The following OTUD4 variants were observed in gnomAD, a reference collection of about 807,000 sequenced individuals.
OTUD4 encodes the protein OTU domain-containing protein 4.
OTUD4 carries 24 observed loss-of-function variants against 130.4 expected under a neutral mutation model. The observed-to-expected ratio is 0.18, with a 90% CI of 0.13 to 0.26. The LOEUF (loss-of-function observed/expected upper bound fraction) is 0.26. OTUD4 is among the 10% of genes least tolerant of loss of function. The pLI is 1.00. For missense variants in OTUD4, 1,031 were observed against 1,329.4 expected (o/e 0.78, Z 3.49); for synonymous variants, 420 against 472.5 (o/e 0.89, Z 1.44).
At chr4:145,177,126 G>C (rs1292133984) in intron 1 of OTUD4, among the ~76,000 whole-genome samples, 1 of 152,200 alleles carries the variant, frequency 6.6e-6, no homozygotes, top group African/African-American at 2.4e-5. Context: ...AGCTATGTTA[G>C]ACACTATCAT....
At chr4:145,175,254 T>G (rs966111676) in intron 1 of OTUD4, among the ~76,000 whole-genome samples, 1 of 152,212 alleles carries the variant, frequency 6.6e-6, no homozygotes, top group Non-Finnish European at 1.5e-5. Context: ...CACTATGGTT[T>G]CAGAAAAATT....
Position 145,150,205 on chromosome 4 carries a change from T to G in OTUD4, c.1259+308A>C, listed in dbSNP as rs571412189. ...AGGAATGCAATCTGGAATCCAGTAT[T>G]TACCATATTACAAGCCACCAGAAAA... On this transcript the variant is annotated intron_variant, in intron 13 of 20. Coordinates refer to ENST00000447906, the MANE Select transcript of OTUD4 (RefSeq NM_001366057.1). 2.6e-5 allele frequency among the ~76,000 whole-genome samples: 4 copies of G among 152,274 alleles called. No homozygotes were observed. In the East Asian group the frequency reaches 7.7e-4, roughly 29 times the overall value.
chr4:145,170,210 A>C (rs1285461343), intron 3 of OTUD4, among the ~76,000 whole-genome samples: 1 of 152,222 alleles, frequency 6.6e-6, no homozygotes, highest in Non-Finnish European at 1.5e-5. Flanking sequence ...ATTTTGATAC[A>C]GATAACCTAC....
chr4:145,141,684 T>A (rs1053923641), intron 18 of OTUD4, 45 bp from the exon 19 acceptor site: 13 of 1,481,112 alleles, frequency 8.8e-6, no homozygotes, highest in Non-Finnish European at 1.2e-5. Context: ...AAGATGAAAA[T>A]CTCTACAAAT....
In OTUD4 at chr4:145,180,344, T is replaced by C. The variant is rs1446495895; in HGVS notation, c.-371A>G. Among the ~76,000 whole-genome samples, 4 of 151,914 alleles carry C rather than the reference T, an allele frequency of 2.6e-5. No homozygotes were observed. The highest frequency in any genetic ancestry group is 9.7e-5 in the African/African-American group (4 of 41,346). Reference sequence around the variant, plus strand: ...ACAAGTTTCCTCCTCCGTACCGGTGTGAAGCGAGAAAACCCCCGCCCCTGG... The same window carrying C: ...ACAAGTTTCCTCCTCCGTACCGGTGCGAAGCGAGAAAACCCCCGCCCCTGG... On this transcript the variant is annotated 5_prime_UTR_variant, in exon 1 of 21. Coordinates refer to ENST00000447906, the MANE Select transcript of OTUD4 (RefSeq NM_001366057.1).
rs147912080 is a variant in OTUD4 at position 145,147,618 on chromosome 4, G to A, written c.1260-1189C>T. Among the ~76,000 whole-genome samples the A allele has an allele frequency of 1.6e-3, 239 of 152,294 alleles. 2 individuals carry two copies. The highest frequency in any genetic ancestry group is 0.014 in the Middle Eastern group (4 of 294). On this transcript the variant is annotated intron_variant, in intron 13 of 20. Transcript: ENST00000447906. ...GCTTGAAGACAGATATTCAGCCACA[G>A]TATTTCCTGGATAGCCACATTAACA...
chr4:145,157,704 A>AAAAG, intron 7 of OTUD4, among the ~76,000 whole-genome samples: 1 of 151,536 alleles, frequency 6.6e-6, no homozygotes, highest in African/African-American at 2.4e-5. Context: ...AAAAAAAAAA[A>AAAAG]AAAGAAATTT....
At chr4:145,175,332 AG>A (rs1026101901) in intron 1 of OTUD4, among the ~76,000 whole-genome samples, 1 of 152,146 alleles carries the variant, frequency 6.6e-6, no homozygotes, top group Non-Finnish European at 1.5e-5. Context: ...TAGGCAGCAT[AG>A]GGGGTGCAAA....
At position 145,138,103 on chromosome 4, in the gene OTUD4, T is replaced by A. The variant is rs1208305142; in HGVS notation, c.2672A>T (p.Asp891Val). 6.2e-7 allele frequency: 1 copy of A among 1,614,084 alleles called. No homozygotes were observed. Among genetic ancestry groups the A allele is most frequent in the Admixed American group, 1.7e-5 (1 of 60,026 alleles). The change falls in exon 21 of 21, where the codon GAT becomes GTT. Residue 891 changes from aspartate to valine, a missense_variant. This residue lies in a region of OTUD4 where 900 missense variants were observed against 1,095.9 expected (regional missense o/e 0.82). Coordinates refer to ENST00000447906, the MANE Select transcript of OTUD4 (RefSeq NM_001366057.1). The stretch of plus-strand genomic sequence containing the variant: ...CAGATCCAGATTTTCCAGAGACAGA[T>A]CCAATTCTCCTTTTTCATCAGAGGG... ...VLPSDEKGEL[D>V]LSLENLDLSK...
At chr4:145,169,753 C>G (rs1019768162) in intron 3 of OTUD4, among the ~76,000 whole-genome samples, 3 of 152,082 alleles carry the variant, frequency 2.0e-5, no homozygotes, top group Non-Finnish European at 4.4e-5. Flanking sequence ...ATTACAGGCA[C>G]GAGCCATTGT....
chr4:145,163,314 G>A lies in OTUD4; in HGVS notation c.415-593C>T, dbSNP rs186137779. On this transcript the variant is annotated intron_variant, in intron 5 of 20. Transcript: ENST00000447906. ...GTGGAACACAAGTCACTTCAATTTG[G>A]CCATCATGACTCCAAAATAGCTACT... Among the ~76,000 whole-genome samples the A allele has an allele frequency of 6.6e-5, 10 of 152,122 alleles. No individual in the cohort carries two copies. In the East Asian group the frequency reaches 1.5e-3, roughly 23 times the overall value.
chr4:145,148,942 G>C (rs561628721), intron 13 of OTUD4, among the ~76,000 whole-genome samples: 1 of 152,140 alleles, frequency 6.6e-6, no homozygotes, highest in Non-Finnish European at 1.5e-5. Context: ...GTTGATTAGT[G>C]GCATAAATTC....
chr4:145,175,184 C>T (rs1022104976), intron 1 of OTUD4, among the ~76,000 whole-genome samples: 25 of 152,134 alleles, frequency 1.6e-4, no homozygotes, highest in African/African-American at 3.1e-4. Context: ...TGTAAGAGGC[C>T]GATTTATTTT....
chr4:145,179,684 C>T, intron 1 of OTUD4, 131 bp downstream of exon 1: 1 of 1,407,138 alleles, frequency 7.1e-7, no homozygotes, highest in Admixed American at 3.2e-5. Flanking sequence ...CAATGGGGCG[C>T]TGTGACGACA....
At chr4:145,142,559 A>G (rs2126743418) in intron 17 of OTUD4, among the ~76,000 whole-genome samples, 1 of 152,330 alleles carries the variant, frequency 6.6e-6, no homozygotes, top group South Asian at 2.1e-4. Flanking sequence ...CAAGGACTGT[A>G]TTTTTTAATA....
Position 145,166,066 on chromosome 4 carries a change from C to G in OTUD4, c.295-869G>C, listed in dbSNP as rs564013984. 7.9e-5 allele frequency among the ~76,000 whole-genome samples: 12 copies of G among 151,650 alleles called. No individual in the cohort carries two copies. In the South Asian group the frequency reaches 2.3e-3, roughly 29 times the overall value. On this transcript the variant is annotated intron_variant, in intron 3 of 20. Transcript: ENST00000447906. ...GTCCTAGCTACTCAAGAGGCTGAGG[C>G]AGGAGAATCGCTTGAACCCAGGAAG... is the stretch of plus-strand genomic sequence containing the variant.
intron 7 of OTUD4, chr4:145,159,181 G>C (rs1249987176): frequency 9.4e-7 from 1 of 1,067,088 alleles, no homozygotes; most frequent in Non-Finnish European, 1.1e-6. Flanking sequence ...CTGGGTATGT[G>C]AACAATTGAC....
chr4:145,139,943 G>A lies in OTUD4; in HGVS notation c.2124+8C>T. On this transcript the variant is annotated splice_region_variant and intron_variant, in intron 20 of 20. Transcript: ENST00000447906. ...AAAATAACTTTTAAGATGATAAAAT[G>A]TAAATACCTTCACACCAAGATTGAA... 2 of 786,128 alleles carry A rather than the reference G, an allele frequency of 2.5e-6. No homozygotes were observed. Among genetic ancestry groups the A allele is most frequent in the South Asian group, 3.2e-5 (2 of 62,004 alleles). The allele number at this position is 786,128 out of a possible 1,614,324, so 48.7% of individuals were successfully genotyped here.
intron 13 of OTUD4, 73 bp from the exon 14 acceptor site, chr4:145,146,502 A>C (rs1263987013): frequency 7.9e-6 from 4 of 509,074 alleles, no homozygotes; most frequent in Non-Finnish European, 1.1e-5. Context: ...CATTCTTGTC[A>C]AAAAAAAAAA....
Sources: allele counts gnomAD v4.1 joint callset (sites outside exome capture counted in the v4.1 genomes callset), GRCh38; gene constraint gnomAD v4.1.1; regional missense constraint gnomAD v4.1.1; transcripts MANE v1.5; gene names NCBI Gene and HGNC (gene_info 2026-07-23, HGNC 2026-07-21).